The following FAF1 variants were observed in gnomAD, a reference collection of about 807,000 sequenced individuals.
The protein encoded by FAF1 is Fas associated factor 1, also known as FAS-associated factor 1.
In FAF1, 25 loss-of-function variants were observed where a neutral mutation model predicts 92.5. The observed-to-expected ratio is 0.27, with a 90% CI of 0.20 to 0.38. The LOEUF (loss-of-function observed/expected upper bound fraction) is 0.38, where lower values mean the gene tolerates loss of function less well. Ranked by LOEUF, FAF1 falls within the 10% of genes least tolerant of loss-of-function variation. FAF1 has a pLI of 1.00. For synonymous variants in FAF1, 234 were observed against 273.2 expected (o/e 0.86, Z 1.42); for missense variants, 636 against 793.3 (o/e 0.80, Z 2.38).
chr1:50,765,236 C>T (rs1660517254), intron 4 of FAF1, among the ~76,000 whole-genome samples: 1 of 152,192 alleles, frequency 6.6e-6, no homozygotes, highest in Non-Finnish European at 1.5e-5. Context: ...TAGTTGGCTA[C>T]ACTCCAATAA....
At chr1:50,885,856 GT>G (rs1278320873) in intron 1 of FAF1, among the ~76,000 whole-genome samples, 1 of 151,958 alleles carries the variant, frequency 6.6e-6, no homozygotes, top group Non-Finnish European at 1.5e-5. Flanking sequence ...TATTCTGTAT[GT>G]TTTTATATTG....
chr1:50,870,168 T>C (rs1232582845), intron 1 of FAF1, among the ~76,000 whole-genome samples: 1 of 152,180 alleles, frequency 6.6e-6, no homozygotes, highest in African/African-American at 2.4e-5. Context: ...TTTTAAAAAA[T>C]TGAAGGGGCC....
intron 6 of FAF1, among the ~76,000 whole-genome samples, chr1:50,735,036 A>G (rs1659084466): frequency 6.6e-6 from 1 of 152,158 alleles, no homozygotes; most frequent in Non-Finnish European, 1.5e-5. Context: ...CAAAAAGAAC[A>G]CCAGGAATGA....
chr1:50,789,935 G>C (rs940688232), intron 3 of FAF1, among the ~76,000 whole-genome samples: 5 of 152,080 alleles, frequency 3.3e-5, no homozygotes, highest in African/African-American at 1.2e-4. Context: ...TTCCCTCTAA[G>C]AATATCCTTT....
intron 2 of FAF1, among the ~76,000 whole-genome samples, chr1:50,814,100 T>C (rs1643943165): frequency 6.6e-6 from 1 of 152,178 alleles, no homozygotes; most frequent in African/African-American, 2.4e-5. Context: ...ATAAAAGTTA[T>C]GTGAATGTGG....
At chr1:50,859,867 T>A (rs1570063346) in intron 1 of FAF1, among the ~76,000 whole-genome samples, 1 of 151,686 alleles carries the variant, frequency 6.6e-6, no homozygotes, top group East Asian at 1.9e-4. Flanking sequence ...GATACAATAA[T>A]CAAAACAGCA....
chr1:50,704,157 GTTAATATAAGAGAAGCTAA>G (rs1410820009), intron 7 of FAF1, among the ~76,000 whole-genome samples: 2 of 152,016 alleles, frequency 1.3e-5, no homozygotes, highest in Non-Finnish European at 2.9e-5. Flanking sequence ...GCTCCTTTTT[GTTAATATAAGAGAAGCTAA>G]TTTGAAAACA....
At position 50,583,566 on chromosome 1, in the gene FAF1, A is replaced by G. The variant is rs1048483245; in HGVS notation, c.1031+86T>C. On this transcript the variant is annotated intron_variant, in intron 11 of 18. Transcript: ENST00000396153. This position sits in a 1 kb window ranked among gnomAD's most constrained non-coding sequence, Gnocchi z 4.2. The stretch of plus-strand genomic sequence containing the variant: ...TTTGAATACTTTAAGGAGAAACTTT[A>G]AACAATCTATAATTAAAATTGCCCA... The G allele has an allele frequency of 1.4e-5, 11 of 802,942 alleles. No homozygotes were observed. Among genetic ancestry groups the G allele is most frequent in the Admixed American group, 5.2e-5 (2 of 38,370 alleles). 49.7% of individuals were successfully genotyped at this position (802,942 alleles called of 1,614,324 possible).
intron 1 of FAF1, among the ~76,000 whole-genome samples, chr1:50,906,856 T>C (rs1644843169): frequency 6.6e-6 from 1 of 152,208 alleles, no homozygotes; most frequent in Non-Finnish European, 1.5e-5. Flanking sequence ...CTTTTCTTAA[T>C]TGAATCCCCT....
chr1:50,593,174 T>C (rs939621380), intron 9 of FAF1, among the ~76,000 whole-genome samples: 5 of 152,150 alleles, frequency 3.3e-5, no homozygotes, highest in Non-Finnish European at 7.3e-5. Flanking sequence ...TTACCGAGGT[T>C]GTGAATGTTT....
At chr1:50,794,429 C>T (rs1233107482) in intron 3 of FAF1, among the ~76,000 whole-genome samples, 1 of 152,166 alleles carries the variant, frequency 6.6e-6, no homozygotes, top group Non-Finnish European at 1.5e-5. Context: ...TGTTGTACTA[C>T]GTTCACCACT....
chr1:50,599,145 C>T (rs769788876), intron 8 of FAF1, among the ~76,000 whole-genome samples: 1 of 152,120 alleles, frequency 6.6e-6, no homozygotes, highest in Non-Finnish European at 1.5e-5. Flanking sequence ...GGGAACCTCG[C>T]TCTGTCACCC....
At chr1:50,527,860 C>T (rs930474041) in intron 15 of FAF1, among the ~76,000 whole-genome samples, 39 of 61,058 alleles carry the variant, frequency 6.4e-4, no homozygotes, top group Middle Eastern at 0.017. Flanking sequence ...TCCCTCTCTC[C>T]CTCTCTCCCT....
Position 50,756,623 on chromosome 1 carries a change from G to A in FAF1, c.368-11848C>T, listed in dbSNP as rs113319965. 2.0e-3 allele frequency among the ~76,000 whole-genome samples: 299 copies of A among 152,238 alleles called. 2 individuals carry two copies. The highest frequency in any genetic ancestry group is 6.7e-3 in the African/African-American group (278 of 41,524). ...ATTTACTGTATTAGTCCATTTTCAC[G>A]CTGCTGATAAAGACATACCTGAGAC... On this transcript the variant is annotated intron_variant, in intron 4 of 18. Transcript: ENST00000396153.
intron 8 of FAF1, among the ~76,000 whole-genome samples, chr1:50,599,736 A>G (rs1462552713): frequency 6.6e-6 from 1 of 152,210 alleles, no homozygotes; most frequent in African/African-American, 2.4e-5. Flanking sequence ...TTTCAGTTAT[A>G]TGCTGAATCA....
Position 50,438,650 on chromosome 1 carries a change from G to A in FAF1, c.*2790C>T, listed in dbSNP as rs911910327. On this transcript the variant is annotated 3_prime_UTR_variant, in exon 19 of 19. Coordinates refer to ENST00000396153, the MANE Select transcript of FAF1 (RefSeq NM_007051.3). ...CCCTCTCCCACATTCAAATGAAAAA[G>A]TCTATACTTTGGGGGAAATTTGCCA... 2 of 152,158 alleles carry A rather than the reference G, an allele frequency of 1.3e-5. No homozygotes were observed. Among genetic ancestry groups the A allele is most frequent in the African/African-American group, 4.8e-5 (2 of 41,438 alleles). 9.4% of individuals were successfully genotyped at this position (152,158 alleles called of 1,614,324 possible). A position where few individuals can be genotyped will look rare whatever the true frequency, so the allele number is the denominator to read the frequency against.
chr1:50,653,920 G>A (rs944010745), intron 8 of FAF1, among the ~76,000 whole-genome samples: 9 of 152,124 alleles, frequency 5.9e-5, no homozygotes, highest in African/African-American at 1.9e-4. Context: ...CACCGGCTTC[G>A]GCCTCCCAAA....
At chr1:50,705,108 C>T (rs1657618861) in intron 7 of FAF1, among the ~76,000 whole-genome samples, 1 of 152,072 alleles carries the variant, frequency 6.6e-6, no homozygotes, top group African/African-American at 2.4e-5. Flanking sequence ...AAACATAAGT[C>T]CTGTCATAGC....
intron 4 of FAF1, among the ~76,000 whole-genome samples, chr1:50,746,279 TATATA>T (rs1659604809): frequency 5.0e-5 from 1 of 19,810 alleles, no homozygotes; most frequent in African/African-American, 2.4e-4. Flanking sequence ...TATATATATA[TATATA>T]TATATATATT....
Sources: gnomAD v4.1 joint callset for allele counts (sites outside exome capture counted in the v4.1 genomes callset) on GRCh38, gnomAD v4.1.1 for gene constraint, Gnocchi (gnomAD v3.1) non-coding constraint, MANE v1.5 for transcripts, NCBI Gene and HGNC (gene_info 2026-07-23, HGNC 2026-07-21) for gene names.